Variants in IL1RAPL2 observed in about 807,000 individuals in gnomAD.
IL1RAPL2 encodes interleukin 1 receptor accessory protein like 2, also known as X-linked interleukin-1 receptor accessory protein-like 2.
IL1RAPL2 carries 3 observed loss-of-function variants against 44.1 expected under a neutral mutation model. That is an observed-to-expected ratio of 0.07 (90% CI 0.03 to 0.18). The LOEUF is 0.18. IL1RAPL2 is among the 10% of genes least tolerant of loss of function. The pLI is 1.00. For missense variants in IL1RAPL2, 391 were observed against 496.4 expected, an observed-to-expected ratio of 0.79 and a Z score of 2.02; for synonymous variants, 181 against 178.8, an observed-to-expected ratio of 1.01 and a Z score of -0.10.
At chrX:105,426,588 T>C (rs1261787037) in intron 5 of IL1RAPL2, among the ~76,000 whole-genome samples, 1 of 111,846 alleles carries the variant, frequency 8.9e-6, no homozygotes, top group Non-Finnish European at 1.9e-5. Context: ...TATAATTCTA[T>C]ATTTATTTAC....
At chrX:105,259,166 C>T (rs2034337761) in intron 4 of IL1RAPL2, among the ~76,000 whole-genome samples, 1 of 111,674 alleles carries the variant, frequency 9.0e-6, no homozygotes, top group Non-Finnish European at 1.9e-5. Context: ...TACTTCCTGT[C>T]TCTGGTTTCA....
At chrX:105,718,097 A>T (rs1416691306) in intron 7 of IL1RAPL2, among the ~76,000 whole-genome samples, 1 of 111,868 alleles carries the variant, frequency 8.9e-6, no homozygotes, top group Non-Finnish European at 1.9e-5. Flanking sequence ...TCTCATTTGT[A>T]CAAAAAAGAT....
intron 1 of IL1RAPL2, among the ~76,000 whole-genome samples, chrX:104,570,043 C>T (rs1928115737): frequency 8.9e-6 from 1 of 112,203 alleles, no homozygotes; most frequent in Admixed American, 9.5e-5. Flanking sequence ...ACCATAACCT[C>T]CTTTGTGAAA....
At chrX:104,905,330 G>T (rs1923955174) in intron 2 of IL1RAPL2, among the ~76,000 whole-genome samples, 1 of 111,344 alleles carries the variant, frequency 9.0e-6, no homozygotes, top group African/African-American at 3.3e-5. Context: ...TGTCAATTTT[G>T]GCTTTTGTTG....
chrX:105,248,786 C>T (rs1603031665), intron 4 of IL1RAPL2, among the ~76,000 whole-genome samples: 1 of 111,553 alleles, frequency 9.0e-6, no homozygotes, highest in Admixed American at 9.5e-5. Flanking sequence ...ATCAAAACTA[C>T]AATGAGATAT....
chrX:104,875,273 G>T (rs931854229), intron 2 of IL1RAPL2, among the ~76,000 whole-genome samples: 6 of 111,336 alleles, frequency 5.4e-5, no homozygotes, highest in African/African-American at 2.0e-4. Context: ...CTTCAGTATT[G>T]TTCCTTAAAT....
intron 1 of IL1RAPL2, among the ~76,000 whole-genome samples, chrX:104,633,939 G>T (rs1343835786): frequency 9.0e-6 from 1 of 110,991 alleles, no homozygotes; most frequent in Non-Finnish European, 1.9e-5. Flanking sequence ...TGATGTTAGG[G>T]TGTCAATTTT....
intron 6 of IL1RAPL2, among the ~76,000 whole-genome samples, chrX:105,531,918 G>A (rs1208145403): frequency 1.8e-5 from 2 of 111,581 alleles, no homozygotes; most frequent in Non-Finnish European, 3.8e-5. Flanking sequence ...TGGACAATGT[G>A]TCTGTTTTTG....
chrX:105,233,775 A>C (rs782804693), intron 3 of IL1RAPL2, 43 bp from the exon 4 acceptor site: 1 of 1,065,956 alleles, frequency 9.4e-7, no homozygotes, highest in Non-Finnish European at 1.3e-6. Flanking sequence ...ACAAAGTTGT[A>C]AACACCCAAT....
chrX:105,617,417 CT>C (rs921335749), intron 6 of IL1RAPL2, among the ~76,000 whole-genome samples: 1 of 111,122 alleles, frequency 9.0e-6, no homozygotes, highest in Non-Finnish European at 1.9e-5. Context: ...GGACTTGCTT[CT>C]TTGGTCCCAG....
At chrX:105,027,678 C>A (rs1259605159) in intron 2 of IL1RAPL2, among the ~76,000 whole-genome samples, 2 of 111,293 alleles carry the variant, frequency 1.8e-5, no homozygotes, top group Non-Finnish European at 3.8e-5. Context: ...CATGAAATAA[C>A]AAATGCTGGT....
chrX:104,587,734 C>T (rs951489099), intron 1 of IL1RAPL2, among the ~76,000 whole-genome samples: 34 of 112,142 alleles, frequency 3.0e-4, no homozygotes, highest in African/African-American at 1.0e-3. Flanking sequence ...GATACACATC[C>T]TCTATCTCCT....
intron 2 of IL1RAPL2, among the ~76,000 whole-genome samples, chrX:104,683,033 A>G (rs73635156): frequency 0.024 from 2,646 of 111,716 alleles, 84 homozygotes; most frequent in African/African-American, 0.081. Flanking sequence ...GGAGCTAACC[A>G]TGCTCTGGTA....
intron 2 of IL1RAPL2, among the ~76,000 whole-genome samples, chrX:105,013,596 A>C (rs189273579): frequency 1.5e-4 from 17 of 110,440 alleles, no homozygotes; most frequent in African/African-American, 5.2e-4. Flanking sequence ...TGGGTGAGGA[A>C]ACTAAAGAGG....
intron 5 of IL1RAPL2, among the ~76,000 whole-genome samples, chrX:105,471,602 T>C (rs2036166528): frequency 9.3e-6 from 1 of 107,960 alleles, no homozygotes. Flanking sequence ...TCTCCCAAGC[T>C]CTCTGAGATT....
chrX:105,694,337 T>C (rs976144000), intron 6 of IL1RAPL2, among the ~76,000 whole-genome samples: 1 of 111,975 alleles, frequency 8.9e-6, no homozygotes, highest in Non-Finnish European at 1.9e-5. Context: ...TAAGGTGCTA[T>C]AGGATGGATG....
At chrX:105,636,514 T>C (rs2147837190) in intron 6 of IL1RAPL2, among the ~76,000 whole-genome samples, 1 of 111,154 alleles carries the variant, frequency 9.0e-6, no homozygotes, top group African/African-American at 3.3e-5. Flanking sequence ...AGAGAAAAAA[T>C]TTACAACCCC....
chrX:105,364,116 T>A (rs1222415832), intron 5 of IL1RAPL2, among the ~76,000 whole-genome samples: 1 of 111,375 alleles, frequency 9.0e-6, no homozygotes. Context: ...AAGATAGGGG[T>A]CCAATTTCGT....
chrX:105,607,449 A>G (rs1000457069), intron 6 of IL1RAPL2, among the ~76,000 whole-genome samples: 5 of 107,602 alleles, frequency 4.6e-5, no homozygotes, highest in African/African-American at 6.7e-5. Context: ...TCTAATGTAT[A>G]TATGTGTCTG....
Sources: gnomAD v4.1 joint callset for allele counts (sites outside exome capture counted in the v4.1 genomes callset) on GRCh38, gnomAD v4.1.1 for gene constraint, MANE v1.5 for transcripts, NCBI Gene and HGNC (gene_info 2026-07-23, HGNC 2026-07-21) for gene names.